Variants in PDE1C observed in about 807,000 individuals in gnomAD.
The protein encoded by PDE1C is dual specificity calcium/calmodulin-dependent 3',5'-cyclic nucleotide phosphodiesterase 1C.
A neutral mutation model predicts 93.1 loss-of-function variants in PDE1C; 62 were observed. The ratio of observed to expected loss-of-function variants is 0.67; its 90% CI spans 0.54 to 0.82. The LOEUF (loss-of-function observed/expected upper bound fraction) is 0.82. PDE1C is among the 40% of genes least tolerant of loss of function. The pLI, the probability that PDE1C is intolerant of heterozygous loss-of-function variation, is 0.00. For synonymous variants in PDE1C, 325 were observed against 310.1 expected (o/e 1.05, Z -0.50); for missense variants, 742 against 884.6 (o/e 0.84, Z 2.04).
Position 32,294,525 on chromosome 7 carries a change from G to A in PDE1C, c.85+4126C>T, listed in dbSNP as rs566119942. ...ATTTTCTCATCTGTAAAATGAACAG[G>A]GAGGAGCATCAAAAGAGATCAAGTG... On this transcript the variant is annotated intron_variant, in intron 1 of 18. Coordinates refer to the PDE1C transcript ENST00000396193. Among the ~76,000 whole-genome samples the A allele has an allele frequency of 5.3e-4, 81 of 152,308 alleles. No homozygotes were observed. In the Middle Eastern group the frequency reaches 0.01, roughly 19 times the overall value.
chr7:31,925,453 C>T (rs1803250431), intron 2 of PDE1C, among the ~76,000 whole-genome samples: 1 of 126,380 alleles, frequency 7.9e-6, no homozygotes, highest in South Asian at 3.0e-4. Context: ...GAAATTGATA[C>T]AGGATGCTTA....
intron 2 of PDE1C, among the ~76,000 whole-genome samples, chr7:31,965,328 C>T (rs1051446762): frequency 5.3e-5 from 8 of 152,018 alleles, no homozygotes; most frequent in South Asian, 2.1e-4. Flanking sequence ...CCTCAGTAGC[C>T]GATGCGATCA....
chr7:32,266,499 A>G (rs575843357), intron 1 of PDE1C, among the ~76,000 whole-genome samples: 93 of 151,782 alleles, frequency 6.1e-4, no homozygotes, highest in Admixed American at 1.4e-3. Context: ...GACTCCGTCA[A>G]AAAAAAATAA....
chr7:32,017,500 G>T lies in PDE1C; in HGVS notation c.128+34054C>A, dbSNP rs573831232. The stretch of plus-strand genomic sequence containing the variant: ...CACAAAAGAAAAACTTGATAAACGG[G>T]TCTATATCAAAATTAAAACATTTTG... On this transcript the variant is annotated intron_variant, in intron 2 of 17. Coordinates refer to ENST00000396191, the MANE Select transcript of PDE1C (RefSeq NM_001191057.4). Among the ~76,000 whole-genome samples, 5 of 152,122 alleles carry T rather than the reference G, an allele frequency of 3.3e-5. No individual in the cohort carries two copies. The South Asian group carries it at 1.0e-3, about 32-fold the overall frequency.
intron 2 of PDE1C, among the ~76,000 whole-genome samples, chr7:32,009,242 G>T (rs1481907673): frequency 6.6e-6 from 1 of 152,180 alleles, no homozygotes; most frequent in South Asian, 2.1e-4. Flanking sequence ...GGTTTCCAGG[G>T]CTCAGTCCAA....
At chr7:31,985,667 T>G (rs1783293612) in intron 2 of PDE1C, among the ~76,000 whole-genome samples, 1 of 151,802 alleles carries the variant, frequency 6.6e-6, no homozygotes. Context: ...TGAGAACATG[T>G]GGTGGTTGGT....
At chr7:32,331,222 C>G (rs898496649) in intron 1 of PDE1C, among the ~76,000 whole-genome samples, 15 of 152,212 alleles carry the variant, frequency 9.9e-5, no homozygotes, top group African/African-American at 2.4e-4. Context: ...CAGAAGGATC[C>G]AAAAGAGGCT....
chr7:32,133,614 G>C (rs144829147), intron 3 of PDE1C, among the ~76,000 whole-genome samples: 754 of 152,186 alleles, frequency 5.0e-3, no homozygotes, highest in African/African-American at 0.017. Context: ...AATGAAATCT[G>C]AGTGACCACC....
rs1261722367 is a variant in PDE1C, at chr7:32,083,054, T to C, written c.308+86731A>G. ...AAGGCTTCAGACGATCAAACTACTC[T>C]GAGCTACAGGAGGAAATTCAAACCA... On this transcript the variant is annotated intron_variant, in intron 3 of 18. Transcript: ENST00000396193. Among the ~76,000 whole-genome samples, 17 of 150,520 alleles carry C rather than the reference T, an allele frequency of 1.1e-4. No individual in the cohort carries two copies. In the South Asian group the frequency reaches 1.5e-3, roughly 13 times the overall value.
At chr7:31,664,213 G>A in the PDE1C span, among the ~76,000 whole-genome samples, 3 of 152,334 alleles carry the variant, frequency 2.0e-5, no homozygotes, top group South Asian at 6.2e-4. Context: ...CAGGTGAGGA[G>A]TAGGCAGCAG....
At chr7:31,653,048 A>G in the PDE1C span, 1 of 1,210,640 alleles carries the variant, frequency 8.3e-7, no homozygotes, top group Non-Finnish European at 1.1e-6. Context: ...GGCACAGAGT[A>G]TGCAACAGTG....
chr7:32,068,337 A>G (rs1795641591), intron 1 of PDE1C, among the ~76,000 whole-genome samples: 1 of 151,606 alleles, frequency 6.6e-6, no homozygotes, highest in African/African-American at 2.4e-5. Flanking sequence ...GTTGTATAAA[A>G]GAGTGTGTGC....
At chr7:32,182,905 C>T (rs564597361) in intron 2 of PDE1C, among the ~76,000 whole-genome samples, 32 of 152,150 alleles carry the variant, frequency 2.1e-4, no homozygotes, top group East Asian at 1.7e-3. Flanking sequence ...AAAACCCCAT[C>T]GTCTCAGCCC....
chr7:31,814,308 T>C (rs574288127), intron 15 of PDE1C, among the ~76,000 whole-genome samples: 1 of 151,982 alleles, frequency 6.6e-6, no homozygotes, highest in South Asian at 2.1e-4. Context: ...TTAAATTCTT[T>C]ATAACTTTTT....
At chr7:32,025,731 T>G (rs1789333404) in intron 2 of PDE1C, among the ~76,000 whole-genome samples, 1 of 152,134 alleles carries the variant, frequency 6.6e-6, no homozygotes. Flanking sequence ...CCATAATTAC[T>G]TACTGAGCGT....
intron 1 of PDE1C, among the ~76,000 whole-genome samples, chr7:32,218,763 T>C (rs1584979722): frequency 6.6e-6 from 1 of 152,380 alleles, no homozygotes; most frequent in African/African-American, 2.4e-5. Context: ...TGAAATTTAC[T>C]TATTTCAATC....
At chr7:32,182,353 G>A (rs1216416010) in intron 2 of PDE1C, among the ~76,000 whole-genome samples, 3 of 152,122 alleles carry the variant, frequency 2.0e-5, no homozygotes, top group African/African-American at 2.4e-5. Context: ...CAAACAAAGA[G>A]AATTTTAGAC....
the PDE1C span, among the ~76,000 whole-genome samples, chr7:31,711,732 G>GC: frequency 1.3e-5 from 2 of 151,090 alleles, no homozygotes; most frequent in African/African-American, 4.9e-5. Context: ...GTCTTCCCTC[G>GC]CCCCACTCCA....
At chr7:32,297,528 G>C (rs1260003452) in intron 1 of PDE1C, among the ~76,000 whole-genome samples, 1 of 152,106 alleles carries the variant, frequency 6.6e-6, no homozygotes, top group Non-Finnish European at 1.5e-5. Flanking sequence ...CAAGGAAGAT[G>C]TGGAGGCAAT....
Sources: gnomAD v4.1 joint callset for allele counts (sites outside exome capture counted in the v4.1 genomes callset) on GRCh38, gnomAD v4.1.1 for gene constraint, MANE v1.5 for transcripts, NCBI Gene and HGNC (gene_info 2026-07-23, HGNC 2026-07-21) for gene names.